Variants in TAS1R1 observed in about 807,000 individuals in gnomAD.
TAS1R1 encodes the protein taste 1 receptor member 1, also known as taste receptor type 1 member 1.
A neutral mutation model predicts 45.8 loss-of-function variants in TAS1R1; 31 were observed. That is an observed-to-expected ratio of 0.68 (90% CI 0.51 to 0.91). TAS1R1 has a LOEUF of 0.91. TAS1R1 is among the 40% of genes least tolerant of loss of function. The pLI, the probability that TAS1R1 is intolerant of heterozygous loss-of-function variation, is 0.00. For missense variants in TAS1R1, 1,051 were observed against 1,063.9 expected, an observed-to-expected ratio of 0.99 and a Z score of 0.17; for synonymous variants, 437 against 448.4, an observed-to-expected ratio of 0.97 and a Z score of 0.32.
chr1:6,576,989 C>T lies in TAS1R1; in HGVS notation c.1513C>T (p.His505Tyr), dbSNP rs1446528133. Residue 505 changes from histidine to tyrosine, a missense_variant, in exon 5 of 6, where the codon CAC (histidine) becomes TAC (tyrosine). His to Tyr is a moderately conservative substitution (Grantham distance 83). Coordinates refer to ENST00000333172, the MANE Select transcript of TAS1R1 (RefSeq NM_138697.4). ...SVCSSDCLEGHQRVVTGFHHC... is the reference protein window; with the variant it reads ...SVCSSDCLEGYQRVVTGFHHC... ...GTGTTCCAGCGACTGTCTTGAAGGGCACCAGCGAGTGGTTACGGGTTTCCA... is the reference window on the plus strand; with the variant it reads ...GTGTTCCAGCGACTGTCTTGAAGGGTACCAGCGAGTGGTTACGGGTTTCCA... The T allele has an allele frequency of 6.2e-7, 1 of 1,614,264 alleles. No individual in the cohort carries two copies. The highest frequency in any genetic ancestry group is 2.2e-5 in the East Asian group (1 of 44,888).
In TAS1R1 at chr1:6,575,227, A is replaced by C. The variant is rs1640133159; in HGVS notation, c.1095A>C (p.Arg365Ser). The change falls in exon 3 of 6, where the codon AGA becomes AGC. Residue 365 changes from arginine (R) to serine (S), a missense_variant. Arg to Ser is a moderately radical substitution (Grantham distance 110). Coordinates refer to ENST00000333172, the MANE Select transcript of TAS1R1 (RefSeq NM_138697.4). Reference protein sequence around the residue: ...GSWCSSNQLCRECQAFMAHTM... With the variant: ...GSWCSSNQLCSECQAFMAHTM... Reference sequence around the variant, plus strand: ...GGTGCAGCAGCAATCAGCTCTGCAGAGAATGCCAAGCTTTCATGGCACACA... The same window carrying C: ...GGTGCAGCAGCAATCAGCTCTGCAGCGAATGCCAAGCTTTCATGGCACACA... 6.2e-7 allele frequency: 1 copy of C among 1,613,488 alleles called. No individual in the cohort carries two copies. The highest frequency in any genetic ancestry group is 1.7e-5 in the Admixed American group (1 of 59,996).
rs149094445 is a variant in TAS1R1 at position 6,555,407 on chromosome 1, C to T, written c.34C>T (p.Gln12Ter). 3.5e-4 allele frequency: 558 copies of T among 1,605,814 alleles called. No homozygotes were observed. The African/African-American group carries it at 6.0e-3, about 17-fold the overall frequency. The change falls in exon 1 of 6, where the codon CAG becomes TAG. Residue 12 changes from glutamine to a stop codon, truncating the protein, a stop_gained. Coordinates refer to ENST00000333172, the MANE Select transcript of TAS1R1 (RefSeq NM_138697.4). LOFTEE classifies it high-confidence loss of function. ...LLCTARLVGLQLLISCCWAFA... is the reference protein window; with the variant it reads ...LLCTARLVGL ...CTGCACGGCTCGCCTGGTCGGCCTG[C>T]AGCTTCTCATTTCCTGCTGCTGGGC...
In TAS1R1 at chr1:6,574,939, C is replaced by G. The variant is rs751164962; in HGVS notation, c.807C>G (p.Thr269=). ...LMRHLAQAGA[T]VVVVFSSRQL... ...GCCACCTGGCCCAGGCCGGGGCCAC[C>G]GTCGTGGTTGTTTTTTCCAGCCGGC... The change falls in exon 3 of 6, where the codon ACC becomes ACG. Residue 269 remains threonine, a synonymous_variant. Transcript: ENST00000333172. The surrounding 1 kb of genome is among the most constrained non-coding windows in gnomAD (Gnocchi z 4.3). 2 of 1,611,394 alleles carry G rather than the reference C, an allele frequency of 1.2e-6. No individual in the cohort carries two copies.
intron 1 of TAS1R1, among the ~76,000 whole-genome samples, chr1:6,569,015 C>G (rs146052257): frequency 0.016 from 2,475 of 151,824 alleles, 41 homozygotes; most frequent in Middle Eastern, 0.071. Flanking sequence ...CCTCCCGGAG[C>G]GGAAGTGAGG....
chr1:6,578,877 C>A lies in TAS1R1; in HGVS notation c.1819C>A (p.Leu607Ile), dbSNP rs1196485011. ...GTCAGCAGGGGGCCGCCTGTGCTTT[C>A]TTATGCTGGGCTCCCTGGCAGCAGG... ...VRSAGGRLCF[L>I]MLGSLAAGSG... Residue 607 changes from leucine to isoleucine, a missense_variant, in exon 6 of 6, where the codon CTT (leucine) becomes ATT (isoleucine). Transcript: ENST00000333172. The A allele has an allele frequency of 6.2e-7, 1 of 1,609,746 alleles. No individual in the cohort carries two copies. The highest frequency in any genetic ancestry group is 8.5e-7 in the Non-Finnish European group (1 of 1,176,940).
chr1:6,579,636 G>A lies in TAS1R1; in HGVS notation c.*52G>A. The A allele has an allele frequency of 1.3e-6, 2 of 1,552,518 alleles. No homozygotes were observed. Among genetic ancestry groups the A allele is most frequent in the Non-Finnish European group, 1.7e-6 (2 of 1,155,078 alleles). On this transcript the variant is annotated 3_prime_UTR_variant, in exon 6 of 6. Coordinates refer to ENST00000333172, the MANE Select transcript of TAS1R1 (RefSeq NM_138697.4). ...AGCCTTCTCTGCCCTGAGGGTCGAA[G>A]GTCGAGCAGGCCGGGGGTGTCCGGG...
At chr1:6,558,813 G>A (rs564320489) in intron 1 of TAS1R1, among the ~76,000 whole-genome samples, 2 of 152,040 alleles carry the variant, frequency 1.3e-5, no homozygotes, top group African/African-American at 4.8e-5. Context: ...CTGCCTCCCA[G>A]ATTCAGGCGA....
At chr1:6,558,051 TTTG>T (rs1477341264) in intron 1 of TAS1R1, among the ~76,000 whole-genome samples, 3 of 150,594 alleles carry the variant, frequency 2.0e-5, no homozygotes, top group African/African-American at 7.4e-5. Flanking sequence ...TGTTTTTGTT[TTTG>T]TTTTTTTTCT....
intron 1 of TAS1R1, among the ~76,000 whole-genome samples, chr1:6,562,190 A>G (rs894492965): frequency 6.6e-6 from 1 of 152,154 alleles, no homozygotes; most frequent in Non-Finnish European, 1.5e-5. Context: ...TGTTTTTGAG[A>G]CGGAGTCTCA....
intron 1 of TAS1R1, among the ~76,000 whole-genome samples, chr1:6,569,762 G>A (rs2148671677): frequency 6.6e-6 from 1 of 152,276 alleles, no homozygotes; most frequent in Middle Eastern, 3.4e-3. Context: ...AGGCCTGGAG[G>A]CCAGAGGAAG....
At chr1:6,578,624 T>C (rs766002980) in intron 5 of TAS1R1, 29 bp from the exon 6 acceptor site, 1 of 1,529,228 alleles carries the variant, frequency 6.5e-7, no homozygotes, top group South Asian at 1.3e-5. Flanking sequence ...CATCTGGCTC[T>C]CAGGAACCTT....
At chr1:6,568,981 G>C (rs542936247) in intron 1 of TAS1R1, among the ~76,000 whole-genome samples, 1 of 152,200 alleles carries the variant, frequency 6.6e-6, no homozygotes, top group Non-Finnish European at 1.5e-5. Flanking sequence ...ACGTGGACAC[G>C]GACGATCTCC....
rs185731107 is a variant in TAS1R1, at chr1:6,565,959, G to A, written c.192-4950G>A. Among the ~76,000 whole-genome samples, 198 of 152,272 alleles carry A rather than the reference G, an allele frequency of 1.3e-3. 2 individuals are homozygous for A. Among genetic ancestry groups the A allele is most frequent in the Admixed American group, 0.011 (174 of 15,296 alleles). On this transcript the variant is annotated intron_variant, in intron 1 of 5. Coordinates refer to ENST00000333172, the MANE Select transcript of TAS1R1 (RefSeq NM_138697.4). ...CCAGGGTCATGGCTTGGGCCCCGGG[G>A]GAGAGTTGGACTCCTAAGTATGTTA... is the stretch of plus-strand genomic sequence containing the variant.
chr1:6,555,648 T>C (rs1639663380), intron 1 of TAS1R1, 84 bp downstream of exon 1: 45 of 1,319,694 alleles, frequency 3.4e-5, no homozygotes, highest in Non-Finnish European at 4.3e-5. Flanking sequence ...AACAGGACCT[T>C]GCCTCTGCCT....
At chr1:6,576,311 T>G in intron 3 of TAS1R1, 104 bp from the exon 4 acceptor site, 5 of 1,120,690 alleles carry the variant, frequency 4.5e-6, no homozygotes, top group Non-Finnish European at 6.6e-6. Flanking sequence ...CCTGATGGGC[T>G]GAAACCACCA....
chr1:6,567,194 G>A (rs1315509058), intron 1 of TAS1R1, among the ~76,000 whole-genome samples: 1 of 152,174 alleles, frequency 6.6e-6, no homozygotes, highest in African/African-American at 2.4e-5. Context: ...GCACATGGAC[G>A]CGAGATGAAT....
chr1:6,576,385 T>G, intron 3 of TAS1R1, 30 bp from the exon 4 acceptor site: 4 of 1,611,392 alleles, frequency 2.5e-6, no homozygotes, highest in Non-Finnish European at 2.5e-6. Context: ...GTGCTGTCTG[T>G]GGTGGCTTCA....
Position 6,575,404 on chromosome 1 carries a change from C to A in TAS1R1, c.1260+12C>A, listed in dbSNP as rs1304281596. 22 of 1,535,054 alleles carry A rather than the reference C, an allele frequency of 1.4e-5. No individual in the cohort carries two copies. Among genetic ancestry groups the A allele is most frequent in the Non-Finnish European group, 1.9e-5 (22 of 1,144,604 alleles). On this transcript the variant is annotated intron_variant, in intron 3 of 5. Transcript: ENST00000333172. ...TCTACCCCTGGCAGGTAAGAGAGCCCACCCCAGCACCTCCTGTCAGGGAGA... is the reference window on the plus strand; with the variant it reads ...TCTACCCCTGGCAGGTAAGAGAGCCAACCCCAGCACCTCCTGTCAGGGAGA...
chr1:6,578,751 C>A lies in TAS1R1; in HGVS notation c.1693C>A (p.His565Asn). 1 of 1,614,014 alleles carries A rather than the reference C, an allele frequency of 6.2e-7. No individual in the cohort carries two copies. Among genetic ancestry groups the A allele is most frequent in the Non-Finnish European group, 8.5e-7 (1 of 1,179,942 alleles). Reference sequence around the variant, plus strand: ...TGTGGTGTTTTTGGCTTTGCGTGAGCACACCTCTTGGGTGCTGCTGGCAGC... The same window carrying A: ...TGTGGTGTTTTTGGCTTTGCGTGAGAACACCTCTTGGGTGCTGCTGGCAGC... ...RTVVFLALREHTSWVLLAANT... is the reference protein window; with the variant it reads ...RTVVFLALRENTSWVLLAANT... Residue 565 changes from histidine to asparagine, a missense_variant, in exon 6 of 6, where the codon CAC becomes AAC. His to Asn is a moderately conservative substitution (Grantham distance 68, BLOSUM62 1). Coordinates refer to ENST00000333172, the MANE Select transcript of TAS1R1 (RefSeq NM_138697.4).
Sources: allele counts gnomAD v4.1 joint callset (sites outside exome capture counted in the v4.1 genomes callset), GRCh38; gene constraint gnomAD v4.1.1; non-coding constraint Gnocchi (gnomAD v3.1); transcripts MANE v1.5; gene names NCBI Gene and HGNC (gene_info 2026-07-23, HGNC 2026-07-21).